ETS1: variants seen among roughly 807,000 people sequenced by gnomAD.
ETS1 encodes the protein protein C-ets-1.
ETS1 carries 15 observed loss-of-function variants against 58.6 expected under a neutral mutation model. The observed-to-expected ratio is 0.26, with a 90% CI of 0.17 to 0.39. The LOEUF (loss-of-function observed/expected upper bound fraction) is 0.39, where lower values mean the gene tolerates loss of function less well. Ranked by LOEUF, ETS1 falls within the 10% of genes least tolerant of loss-of-function variation. The pLI, the probability that ETS1 is intolerant of heterozygous loss-of-function variation, is 1.00. For synonymous variants in ETS1, 214 were observed against 218.2 expected (o/e 0.98, Z 0.17); for missense variants, 417 against 610.5 (o/e 0.68, Z 3.34).
At chr11:128,572,998 G>C in intron 2 of ETS1, 64 bp downstream of exon 2, 1 of 1,329,836 alleles carries the variant, frequency 7.5e-7, no homozygotes, top group Non-Finnish European at 1.1e-6. Context: ...CAGGATACAG[G>C]AAGCACAAGG....
chr11:128,488,331 ATT>A (rs1258415479), intron 5 of ETS1, among the ~76,000 whole-genome samples: 3 of 152,202 alleles, frequency 2.0e-5, no homozygotes, highest in Non-Finnish European at 4.4e-5. Context: ...TAAAGATAAC[ATT>A]TTTGAGCACA....
At chr11:128,504,457 C>G (rs1174761298) in intron 3 of ETS1, among the ~76,000 whole-genome samples, 1 of 152,252 alleles carries the variant, frequency 6.6e-6, no homozygotes, top group Non-Finnish European at 1.5e-5. Context: ...GGGATGTTCT[C>G]TTTCCTTGCA....
In ETS1 at chr11:128,573,123, T is replaced by C; in HGVS notation, c.8A>G (p.Tyr3Cys). 1 of 1,590,410 alleles carries C rather than the reference T, an allele frequency of 6.3e-7. No homozygotes were observed. The highest frequency in any genetic ancestry group is 1.2e-5 in the South Asian group (1 of 86,842). Residue 3 changes from tyrosine (Y) to cysteine (C), a missense_variant, in exon 2 of 10, where the codon TAC becomes TGC. Tyr to Cys is a radical substitution (Grantham distance 194). Around this residue, in one of 4 missense-constraint regions of ETS1, gnomAD observed 90 missense variants for 90.3 expected, o/e 1.00. Transcript: ENST00000392668. Reference protein sequence around the residue: MSYFVDSAGSSPV... With the variant: MSCFVDSAGSSPV... ...GCTGCTCCCAGCAGAATCCACAAAGTAGCTCATTCTGCTCTCAGCACCTGT... is the reference window on the plus strand; with the variant it reads ...GCTGCTCCCAGCAGAATCCACAAAGCAGCTCATTCTGCTCTCAGCACCTGT...
chr11:128,475,614 C>T (rs61909069), intron 8 of ETS1, among the ~76,000 whole-genome samples: 6 of 131,956 alleles, frequency 4.5e-5, no homozygotes, highest in East Asian at 2.5e-4. Flanking sequence ...CTGGAGTGTG[C>T]GATCTCGGCT....
intron 7 of ETS1, among the ~76,000 whole-genome samples, chr11:128,484,248 A>G (rs1228217435): frequency 6.6e-6 from 1 of 152,190 alleles, no homozygotes; most frequent in Non-Finnish European, 1.5e-5. Flanking sequence ...AGCTAAATAC[A>G]CACTTCACCA....
chr11:128,545,338 C>T (rs1231881827), intron 3 of ETS1, among the ~76,000 whole-genome samples: 4 of 152,192 alleles, frequency 2.6e-5, no homozygotes, highest in African/African-American at 9.7e-5. Flanking sequence ...ATTGTCACAG[C>T]AATGAAGATG....
intron 2 of ETS1, among the ~76,000 whole-genome samples, 173 bp downstream of exon 2, chr11:128,572,889 T>TA (rs1162229834): frequency 1.3e-5 from 2 of 152,230 alleles, no homozygotes; most frequent in East Asian, 1.9e-4. Context: ...TATATGCTGA[T>TA]AAAATCATAG....
chr11:128,568,349 A>G (rs1864548692), intron 2 of ETS1, among the ~76,000 whole-genome samples: 1 of 152,234 alleles, frequency 6.6e-6, no homozygotes, highest in Admixed American at 6.5e-5. Flanking sequence ...AGTGCTGTGA[A>G]GGGGAGAATG....
At chr11:128,468,199 T>C (rs1368731742) in intron 8 of ETS1, among the ~76,000 whole-genome samples, 1 of 152,134 alleles carries the variant, frequency 6.6e-6, no homozygotes, top group South Asian at 2.1e-4. Context: ...AAGGCAACAA[T>C]CTCACTTTTT....
intron 3 of ETS1, among the ~76,000 whole-genome samples, chr11:128,510,264 CA>C (rs1469822856): frequency 6.6e-6 from 1 of 152,224 alleles, no homozygotes; most frequent in Non-Finnish European, 1.5e-5. Context: ...AATGTGAACT[CA>C]TTAACTTTCC....
chr11:128,489,226 C>T lies in ETS1; in HGVS notation c.535+64G>A, dbSNP rs1862727406. 5 of 1,417,352 alleles carry T rather than the reference C, an allele frequency of 3.5e-6. No individual in the cohort carries two copies. The South Asian group carries it at 5.8e-5, about 17-fold the overall frequency. The allele number at this position is 1,417,352 out of a possible 1,614,324, so 87.8% of individuals were successfully genotyped here. A position where few individuals can be genotyped will look rare whatever the true frequency, so the allele number is the denominator to read the frequency against. ...CATTGACGTCCCACCATTGGGTGAG[C>T]CCCCTACCTACTCTCACAGCAACCC... On this transcript the variant is annotated intron_variant, in intron 5 of 9. Transcript: ENST00000392668.
chr11:128,560,786 A>G (rs1446441949), intron 2 of ETS1, among the ~76,000 whole-genome samples: 2 of 152,220 alleles, frequency 1.3e-5, no homozygotes, highest in African/African-American at 4.8e-5. Flanking sequence ...CCATGGCCTT[A>G]GGAGCGTACA....
chr11:128,542,711 G>C (rs1441776672), intron 3 of ETS1, among the ~76,000 whole-genome samples: 5 of 152,140 alleles, frequency 3.3e-5, no homozygotes, highest in Admixed American at 6.5e-5. Flanking sequence ...AGAGTTACAG[G>C]TTACAGAGTC....
At chr11:128,526,870 C>T (rs576420774) in intron 3 of ETS1, 4 of 454,854 alleles carry the variant, frequency 8.8e-6, no homozygotes, top group African/African-American at 8.0e-5. Flanking sequence ...CTCTCCAAGT[C>T]CAGCACTCCT....
chr11:128,519,269 C>A (rs1863602099), intron 3 of ETS1, among the ~76,000 whole-genome samples: 3 of 152,166 alleles, frequency 2.0e-5, no homozygotes, highest in South Asian at 4.1e-4. Flanking sequence ...CAGGTCCTAG[C>A]CAGGAAAACA....
intron 2 of ETS1, among the ~76,000 whole-genome samples, chr11:128,572,723 T>G (rs1413385068): frequency 6.6e-6 from 1 of 152,214 alleles, no homozygotes; most frequent in African/African-American, 2.4e-5. Context: ...TTATAATATG[T>G]ATAGGAATAA....
chr11:128,576,981 C>T (rs913034478), intron 1 of ETS1, among the ~76,000 whole-genome samples: 1 of 152,176 alleles, frequency 6.6e-6, no homozygotes, highest in African/African-American at 2.4e-5. Flanking sequence ...ATTTCTATCA[C>T]GGTGCTTATC....
intron 2 of ETS1, among the ~76,000 whole-genome samples, chr11:128,570,347 C>T (rs1031007095): frequency 1.3e-5 from 2 of 151,576 alleles, no homozygotes; most frequent in Admixed American, 1.3e-4. Context: ...AAGCGATTCT[C>T]ATGCCACAGC....
At chr11:128,498,986 A>G (rs1863015104) in intron 3 of ETS1, among the ~76,000 whole-genome samples, 1 of 152,204 alleles carries the variant, frequency 6.6e-6, no homozygotes, top group African/African-American at 2.4e-5. Flanking sequence ...TACATTACTC[A>G]GGAGGAAAGA....
Sources: gnomAD v4.1 joint callset for allele counts (sites outside exome capture counted in the v4.1 genomes callset) on GRCh38, gnomAD v4.1.1 for gene constraint, gnomAD v4.1.1 regional missense constraint, MANE v1.5 for transcripts, NCBI Gene and HGNC (gene_info 2026-07-23, HGNC 2026-07-21) for gene names.